Variants in RABGEF1 observed in about 807,000 individuals in gnomAD.
RABGEF1 encodes RAB guanine nucleotide exchange factor 1, also known as rab5 GDP/GTP exchange factor.
RABGEF1 carries 26 observed loss-of-function variants against 57.3 expected under a neutral mutation model. The ratio of observed to expected loss-of-function variants is 0.45; its 90% CI spans 0.33 to 0.63. The LOEUF is 0.63. Ranked by LOEUF, RABGEF1 falls within the 20% of genes least tolerant of loss-of-function variation. The pLI is 0.02. For missense variants in RABGEF1, 464 were observed against 607.6 expected, an observed-to-expected ratio of 0.76 and a Z score of 2.48; for synonymous variants, 185 against 210.7, an observed-to-expected ratio of 0.88 and a Z score of 1.06.
intron 2 of RABGEF1, among the ~76,000 whole-genome samples, chr7:66,714,906 G>A (rs1795193724): frequency 6.6e-6 from 1 of 152,196 alleles, no homozygotes. Flanking sequence ...CTGCACTCCA[G>A]CCTGGGCGAC....
chr7:66,749,413 T>C (rs984764504), intron 1 of RABGEF1, among the ~76,000 whole-genome samples: 9 of 152,228 alleles, frequency 5.9e-5, no homozygotes, highest in African/African-American at 2.2e-4. Context: ...GCTTTTGACA[T>C]TGTTTTCTAA....
In RABGEF1 at chr7:66,805,861, C is replaced by T. The variant is rs1264260429; in HGVS notation, c.1077+465C>T. On this transcript the variant is annotated intron_variant, in intron 8 of 8. Coordinates refer to ENST00000284957, the MANE Select transcript of RABGEF1 (RefSeq NM_014504.3). ...CTGGGCTCAAGCAATCCTCTCACCTCAGCCTGCTGTGAAGCTGGTACCACA... is the reference window on the plus strand; with the variant it reads ...CTGGGCTCAAGCAATCCTCTCACCTTAGCCTGCTGTGAAGCTGGTACCACA... Among the ~76,000 whole-genome samples the T allele has an allele frequency of 3.9e-5, 6 of 151,950 alleles. No homozygotes were observed. The East Asian group carries it at 1.2e-3, about 29-fold the overall frequency.
At chr7:66,738,030 T>TTGTTTTTG (rs1554311643), upstream of RABGEF1, among the ~76,000 whole-genome samples, 6 of 146,886 alleles carry the variant, frequency 4.1e-5, no homozygotes, top group Non-Finnish European at 4.5e-5. Flanking sequence ...TTTGTTTTTT[T>TTGTTTTTG]TTTTTTTTGA....
At chr7:66,672,142 G>T in the RABGEF1 span, among the ~76,000 whole-genome samples, 1 of 151,790 alleles carries the variant, frequency 6.6e-6, no homozygotes, top group Non-Finnish European at 1.5e-5. Context: ...AAAAAACCTG[G>T]CCGGGCACGG....
At chr7:66,712,087 CAT>C (rs1205368743) in intron 1 of RABGEF1, 2 of 152,138 alleles carry the variant, frequency 1.3e-5, no homozygotes, top group African/African-American at 4.8e-5. Flanking sequence ...TTTGCATTTA[CAT>C]ATACATTTTA....
intron 7 of RABGEF1, among the ~76,000 whole-genome samples, chr7:66,802,013 G>A (rs371038122): frequency 1.3e-5 from 2 of 152,284 alleles, no homozygotes; most frequent in East Asian, 1.9e-4. Flanking sequence ...AGGCTCAAGC[G>A]ATCCGTCCGC....
intron 5 of RABGEF1, 130 bp from the exon 6 acceptor site, chr7:66,797,244 C>T (rs2129175083): frequency 1.1e-6 from 1 of 939,168 alleles, no homozygotes; most frequent in Non-Finnish European, 1.5e-6. Flanking sequence ...GTGGAGGTTT[C>T]AGTGAGCCAA....
At chr7:66,690,165 G>A (rs1302364938) in intron 1 of RABGEF1, among the ~76,000 whole-genome samples, 2 of 148,002 alleles carry the variant, frequency 1.4e-5, no homozygotes, top group African/African-American at 5.0e-5. Context: ...GCAGTGGTGC[G>A]ATCTTGGCTC....
chr7:66,776,347 G>T (rs937634585), intron 3 of RABGEF1, among the ~76,000 whole-genome samples: 4 of 152,106 alleles, frequency 2.6e-5, no homozygotes, highest in African/African-American at 9.7e-5. Context: ...GTTTCCTTTT[G>T]TTTTATTAAA....
intron 1 of RABGEF1, among the ~76,000 whole-genome samples, chr7:66,766,818 A>G (rs955149882): frequency 6.6e-6 from 1 of 151,080 alleles, no homozygotes; most frequent in African/African-American, 2.4e-5. Context: ...TCTGCCTCCC[A>G]GGTCCAAGCG....
In RABGEF1 at chr7:66,798,990, A is replaced by G. The variant is rs1416292700; in HGVS notation, c.729-333A>G. 2.6e-5 allele frequency among the ~76,000 whole-genome samples: 4 copies of G among 152,340 alleles called. No homozygotes were observed. In the East Asian group the frequency reaches 7.7e-4, roughly 29 times the overall value. On this transcript the variant is annotated intron_variant, in intron 6 of 8. Transcript: ENST00000284957. The stretch of plus-strand genomic sequence containing the variant: ...AGTTGAGGACTGAGTGTAAAAGGAC[A>G]TTAACGCAGTAGGCAGCGAGGACAG...
chr7:66,706,745 T>G (rs888801412), intron 1 of RABGEF1, among the ~76,000 whole-genome samples: 1 of 149,202 alleles, frequency 6.7e-6, no homozygotes, highest in African/African-American at 2.5e-5. Context: ...TACCTTATGA[T>G]TTTTCTAATT....
chr7:66,747,890 T>C (rs1800610442), intron 1 of RABGEF1, among the ~76,000 whole-genome samples: 1 of 152,144 alleles, frequency 6.6e-6, no homozygotes, highest in Admixed American at 6.6e-5. Context: ...CAAAGATACG[T>C]GCGACATACT....
intron 1 of RABGEF1, 132 bp from the exon 2 acceptor site, chr7:66,771,751 C>T: frequency 3.9e-6 from 2 of 519,440 alleles, no homozygotes; most frequent in South Asian, 9.0e-5. Flanking sequence ...TTCTCCCTCC[C>T]TCCTTCATTC....
chr7:66,769,711 G>A (rs113368199), intron 1 of RABGEF1, among the ~76,000 whole-genome samples: 4 of 152,270 alleles, frequency 2.6e-5, no homozygotes, highest in Non-Finnish European at 4.4e-5. Context: ...CAAGTTTTAT[G>A]TCTTAAGATA....
At chr7:66,711,042 C>A (rs1180975323) in intron 1 of RABGEF1, among the ~76,000 whole-genome samples, 2 of 152,090 alleles carry the variant, frequency 1.3e-5, no homozygotes, top group African/African-American at 4.8e-5. Flanking sequence ...TACCTGTAGT[C>A]CCAGCTACTC....
intron 1 of RABGEF1, among the ~76,000 whole-genome samples, chr7:66,753,993 A>G (rs1325276089): frequency 8.0e-6 from 1 of 124,598 alleles, no homozygotes; most frequent in Non-Finnish European, 1.7e-5. Flanking sequence ...GCATGAGCCA[A>G]CGTACTAGGC....
chr7:66,674,213 G>A, the RABGEF1 span, among the ~76,000 whole-genome samples: 1 of 143,856 alleles, frequency 7.0e-6, no homozygotes, highest in Non-Finnish European at 1.5e-5. Context: ...TTTTTGTGAT[G>A]GAGTCTCACA....
intron 7 of RABGEF1, among the ~76,000 whole-genome samples, chr7:66,803,122 G>A (rs1172198385): frequency 6.6e-6 from 1 of 152,112 alleles, no homozygotes; most frequent in Non-Finnish European, 1.5e-5. Context: ...CAGGATTAAA[G>A]GATTAAAGGA....
Sources: gnomAD v4.1 joint callset for allele counts (sites outside exome capture counted in the v4.1 genomes callset) on GRCh38, gnomAD v4.1.1 for gene constraint, MANE v1.5 for transcripts, NCBI Gene and HGNC (gene_info 2026-07-23, HGNC 2026-07-21) for gene names.